PITPNC1: variants seen among roughly 807,000 people sequenced by gnomAD.
PITPNC1 encodes the protein cytoplasmic phosphatidylinositol transfer protein 1.
PITPNC1 carries 18 observed loss-of-function variants against 44.7 expected under a neutral mutation model. The ratio of observed to expected loss-of-function variants is 0.40; its 90% CI spans 0.28 to 0.60. The LOEUF (loss-of-function observed/expected upper bound fraction) is 0.60, where lower values mean the gene tolerates loss of function less well. Ranked by LOEUF, PITPNC1 falls within the 20% of genes least tolerant of loss-of-function variation. The probability of loss-of-function intolerance (pLI) is 0.39; values close to 1 mark genes in which losing one functional copy is unlikely to be tolerated. For synonymous variants in PITPNC1, 141 were observed against 149.6 expected (o/e 0.94, Z 0.42); for missense variants, 290 against 418.4 (o/e 0.69, Z 2.68).
intron 1 of PITPNC1, among the ~76,000 whole-genome samples, chr17:67,398,076 G>A (rs1477998731): frequency 6.9e-6 from 1 of 145,536 alleles, no homozygotes; most frequent in African/African-American, 2.6e-5. Flanking sequence ...CTGGGCGACA[G>A]AGCGAGACTC....
At chr17:67,545,797 G>T (rs2040672042) in intron 2 of PITPNC1, among the ~76,000 whole-genome samples, 2 of 152,068 alleles carry the variant, frequency 1.3e-5, no homozygotes, top group African/African-American at 4.8e-5. Flanking sequence ...AGAAACACCT[G>T]CTGGGCATCA....
Position 67,607,145 on chromosome 17 carries a change from G to A in PITPNC1, c.367-24998G>A, listed in dbSNP as rs538581156. On this transcript the variant is annotated intron_variant, in intron 5 of 8. Coordinates refer to ENST00000581322, the MANE Select transcript of PITPNC1 (RefSeq NM_012417.4). ...TGCTATCTTTTTGCCCTGCGCTGCT[G>A]TAGGAAGAGACATGCAGTGGTTGGA... is the stretch of plus-strand genomic sequence containing the variant. Among the ~76,000 whole-genome samples, 3 of 152,362 alleles carry A rather than the reference G, an allele frequency of 2.0e-5. No individual in the cohort carries two copies. The South Asian group carries it at 6.2e-4, about 32-fold the overall frequency.
intron 4 of PITPNC1, among the ~76,000 whole-genome samples, chr17:67,554,198 T>G (rs1338536195): frequency 6.6e-6 from 1 of 151,756 alleles, no homozygotes; most frequent in South Asian, 2.1e-4. Flanking sequence ...TTCATTTAGA[T>G]CATTTTCCCA....
At chr17:67,626,126 C>A (rs1284267779) in intron 5 of PITPNC1, among the ~76,000 whole-genome samples, 1 of 151,960 alleles carries the variant, frequency 6.6e-6, no homozygotes, top group Non-Finnish European at 1.5e-5. Flanking sequence ...GCTGGGACAA[C>A]AGGTGCACAT....
intron 1 of PITPNC1, among the ~76,000 whole-genome samples, chr17:67,489,052 A>C (rs950112850): frequency 6.6e-6 from 1 of 152,218 alleles, no homozygotes; most frequent in Admixed American, 6.5e-5. Context: ...TACTGCCATG[A>C]ACACAGTTAT....
rs557732077 is a variant in PITPNC1 at position 67,571,235 on chromosome 17, A to C, written c.295-6951A>C. On this transcript the variant is annotated intron_variant, in intron 4 of 8. Transcript: ENST00000581322. ...CGCTTGAGCTCAGGAGTTTGAGACC[A>C]ACCTGGGCAACACAGTGAGAGCTCA... Among the ~76,000 whole-genome samples, 11 of 152,298 alleles carry C rather than the reference A, an allele frequency of 7.2e-5. No individual in the cohort carries two copies. In the East Asian group the frequency reaches 2.1e-3, roughly 29 times the overall value.
intron 8 of PITPNC1, among the ~76,000 whole-genome samples, chr17:67,680,576 G>A (rs2042684304): frequency 1.3e-5 from 2 of 148,846 alleles, no homozygotes; most frequent in Admixed American, 1.4e-4. Context: ...CTCCAGCCTG[G>A]GCAACAAGAG....
intron 8 of PITPNC1, among the ~76,000 whole-genome samples, chr17:67,681,156 A>T (rs1383487410): frequency 6.6e-6 from 1 of 152,232 alleles, no homozygotes; most frequent in African/African-American, 2.4e-5. Flanking sequence ...TTTCAAACAT[A>T]TGATCTTGCC....
chr17:67,477,761 C>T (rs76398482), intron 1 of PITPNC1, among the ~76,000 whole-genome samples: 2,732 of 152,198 alleles, frequency 0.018, 76 homozygotes, highest in African/African-American at 0.062. Context: ...TGGCCTCCAT[C>T]GAGGGCCCTG....
intron 1 of PITPNC1, among the ~76,000 whole-genome samples, chr17:67,403,588 C>T (rs1490399210): frequency 6.6e-6 from 1 of 152,134 alleles, no homozygotes; most frequent in Admixed American, 6.5e-5. Context: ...TGGGCCAGGC[C>T]CAATGTGTTA....
intron 1 of PITPNC1, among the ~76,000 whole-genome samples, chr17:67,432,420 G>GGAGCTTGCAGTGAGCC (rs1383705015): frequency 4.6e-5 from 7 of 152,092 alleles, no homozygotes; most frequent in African/African-American, 9.7e-5. Context: ...CCTGGGAGGT[G>GGAGCTTGCAGTGAGCC]GAGCTTGCAG....
At position 67,550,459 on chromosome 17, in the gene PITPNC1, C is replaced by T. The variant is rs574487009; in HGVS notation, c.198-1798C>T. ...ACAACTGGAAAAGACAGGCAAGGTA[C>T]GCAGTATTTTACGGGCTCTGATTGT... On this transcript the variant is annotated intron_variant, in intron 2 of 8. Transcript: ENST00000581322. 4.6e-5 allele frequency among the ~76,000 whole-genome samples: 7 copies of T among 151,420 alleles called. No individual in the cohort carries two copies. The South Asian group carries it at 6.3e-4, about 14-fold the overall frequency.
intron 1 of PITPNC1, among the ~76,000 whole-genome samples, chr17:67,425,193 G>GCGCGCACACACACACA (rs1160522771): frequency 5.8e-5 from 3 of 52,118 alleles, no homozygotes; most frequent in African/African-American, 2.0e-4. Context: ...TTGTGCGCGC[G>GCGCGCACACACACACA]CACGCACACG....
At chr17:67,482,979 A>C (rs2039724186) in intron 1 of PITPNC1, among the ~76,000 whole-genome samples, 1 of 145,364 alleles carries the variant, frequency 6.9e-6, no homozygotes, top group African/African-American at 2.6e-5. Context: ...CCTGTACCAC[A>C]GTAGGCCTCT....
chr17:67,617,191 G>A (rs1050223852), intron 5 of PITPNC1, among the ~76,000 whole-genome samples: 9 of 152,300 alleles, frequency 5.9e-5, no homozygotes, highest in Middle Eastern at 3.4e-3. Context: ...TCTGGAGAAT[G>A]GAAGAAAGAG....
intron 1 of PITPNC1, among the ~76,000 whole-genome samples, chr17:67,415,900 C>CA (rs914903297): frequency 1.3e-4 from 17 of 126,490 alleles, no homozygotes; most frequent in African/African-American, 5.2e-4. Flanking sequence ...TTTTGAAAAT[C>CA]ACGCTTACCT....
chr17:67,641,784 A>AATAATAAT (rs966594839), intron 6 of PITPNC1, among the ~76,000 whole-genome samples: 2 of 4,726 alleles, frequency 4.2e-4, no homozygotes, highest in Non-Finnish European at 8.2e-4. Context: ...CCTACCTCAA[A>AATAATAAT]ATAATAATAA....
At chr17:67,558,872 T>C (rs1043478975) in intron 4 of PITPNC1, among the ~76,000 whole-genome samples, 1 of 152,064 alleles carries the variant, frequency 6.6e-6, no homozygotes, top group African/African-American at 2.4e-5. Context: ...ATTGAGCCAC[T>C]ATGAGAGAGA....
At chr17:67,462,903 T>C (rs6504509) in intron 1 of PITPNC1, among the ~76,000 whole-genome samples, 65,286 of 151,952 alleles carry the variant, frequency 0.43, 14,913 homozygotes, top group Non-Finnish European at 0.52. Context: ...GGTTTCTGCA[T>C]GTTGGTTAGG....
Sources: gnomAD v4.1 joint callset for allele counts (sites outside exome capture counted in the v4.1 genomes callset) on GRCh38, gnomAD v4.1.1 for gene constraint, MANE v1.5 for transcripts, NCBI Gene and HGNC (gene_info 2026-07-23, HGNC 2026-07-21) for gene names.